Variants in KIF26B observed in about 807,000 individuals in gnomAD.
The protein encoded by KIF26B is kinesin family member 26B.
A neutral mutation model predicts 151.2 loss-of-function variants in KIF26B; 63 were observed. The ratio of observed to expected loss-of-function variants is 0.42; its 90% CI spans 0.34 to 0.51. KIF26B has a LOEUF of 0.51. KIF26B is among the 20% of genes least tolerant of loss of function. The probability of loss-of-function intolerance (pLI) is 0.07; values close to 1 mark genes in which losing one functional copy is unlikely to be tolerated. For synonymous variants in KIF26B, 1,357 were observed against 1,262.1 expected (o/e 1.08, Z -1.59); for missense variants, 2,813 against 2,913.6 (o/e 0.97, Z 0.79).
At chr1:245,238,587 AT>A (rs1312041042) in intron 2 of KIF26B, among the ~76,000 whole-genome samples, 1 of 152,100 alleles carries the variant, frequency 6.6e-6, no homozygotes, top group Non-Finnish European at 1.5e-5. Context: ...TGGGCTGGGC[AT>A]GGTGGCTCAC....
intron 12 of KIF26B, 126 bp from the exon 13 acceptor site, chr1:245,697,980 G>A: frequency 1.2e-6 from 1 of 800,362 alleles, no homozygotes; most frequent in Non-Finnish European, 1.9e-6. Context: ...ATTCAAGGCT[G>A]CAGTGAGCTA....
At chr1:245,172,288 C>T (rs925503695) in intron 2 of KIF26B, among the ~76,000 whole-genome samples, 3 of 152,108 alleles carry the variant, frequency 2.0e-5, no homozygotes, top group South Asian at 2.1e-4. Flanking sequence ...AGCATGGCTC[C>T]GGGCTGCTGG....
chr1:245,254,830 A>G (rs1670505197), intron 2 of KIF26B, among the ~76,000 whole-genome samples: 1 of 152,130 alleles, frequency 6.6e-6, no homozygotes, highest in South Asian at 2.1e-4. Flanking sequence ...TGCCTGTTTC[A>G]GGTTTGGAAC....
intron 2 of KIF26B, among the ~76,000 whole-genome samples, chr1:245,356,005 G>T (rs763603242): frequency 1.3e-5 from 2 of 152,110 alleles, no homozygotes; most frequent in African/African-American, 4.8e-5. Context: ...TCGTCAGCAC[G>T]CAGATTCCAG....
intron 12 of KIF26B, 81 bp downstream of exon 12, chr1:245,688,888 G>A (rs557700981): frequency 2.1e-6 from 3 of 1,452,002 alleles, no homozygotes; most frequent in East Asian, 2.5e-5. Flanking sequence ...AGGGTGTCCC[G>A]TGCCCTGGGG....
intron 10 of KIF26B, among the ~76,000 whole-genome samples, chr1:245,666,750 C>G (rs1313154485): frequency 1.3e-5 from 2 of 151,922 alleles, no homozygotes; most frequent in Non-Finnish European, 2.9e-5. Flanking sequence ...ATGGTACGGA[C>G]AAGTTAAAAG....
At chr1:245,595,487 A>G (rs2043329358) in intron 5 of KIF26B, among the ~76,000 whole-genome samples, 1 of 152,236 alleles carries the variant, frequency 6.6e-6, no homozygotes, top group South Asian at 2.1e-4. Flanking sequence ...ATGTTGAACC[A>G]GCCTTGCATC....
intron 5 of KIF26B, among the ~76,000 whole-genome samples, chr1:245,551,057 A>G (rs79534192): frequency 1.3e-5 from 2 of 152,246 alleles, no homozygotes; most frequent in African/African-American, 2.4e-5. Context: ...ATGTAAATAT[A>G]TAATTTTAGA....
chr1:245,571,691 G>A (rs1224302145), intron 5 of KIF26B, among the ~76,000 whole-genome samples: 1 of 152,196 alleles, frequency 6.6e-6, no homozygotes, highest in Admixed American at 6.5e-5. Flanking sequence ...TGTAGACAGT[G>A]GATTCTGTAT....
chr1:245,659,957 C>T (rs1032743122), intron 10 of KIF26B, among the ~76,000 whole-genome samples: 6 of 150,914 alleles, frequency 4.0e-5, no homozygotes, highest in African/African-American at 1.2e-4. Flanking sequence ...CTGAGGCAGG[C>T]GAATCGCTTG....
intron 2 of KIF26B, among the ~76,000 whole-genome samples, chr1:245,292,750 G>A (rs1671276373): frequency 6.6e-6 from 1 of 152,148 alleles, no homozygotes; most frequent in South Asian, 2.1e-4. Flanking sequence ...ATCACTGTCA[G>A]TGGAGTCAAC....
At chr1:245,381,232 G>A (rs936979642) in intron 3 of KIF26B, among the ~76,000 whole-genome samples, 2 of 152,158 alleles carry the variant, frequency 1.3e-5, no homozygotes, top group African/African-American at 2.4e-5. Flanking sequence ...GTTTTGGCCT[G>A]GTAGAAAGAC....
chr1:245,436,365 G>C (rs1348024401), intron 4 of KIF26B, among the ~76,000 whole-genome samples: 1 of 152,146 alleles, frequency 6.6e-6, no homozygotes, highest in East Asian at 1.9e-4. Context: ...CAACACCCTG[G>C]TTGTCAGCAG....
chr1:245,240,523 A>T (rs1286979141), intron 2 of KIF26B, among the ~76,000 whole-genome samples: 1 of 152,224 alleles, frequency 6.6e-6, no homozygotes, highest in Non-Finnish European at 1.5e-5. Context: ...GAGTGTGTAT[A>T]GAATGTGGAG....
At chr1:245,261,150 TTTC>T in intron 2 of KIF26B, among the ~76,000 whole-genome samples, 1 of 151,864 alleles carries the variant, frequency 6.6e-6, no homozygotes, top group Middle Eastern at 3.4e-3. Context: ...TCTTTCTTTC[TTTC>T]TTTTCTTTTT....
intron 10 of KIF26B, among the ~76,000 whole-genome samples, chr1:245,654,538 G>T (rs138414702): frequency 3.6e-4 from 55 of 152,220 alleles, no homozygotes; most frequent in African/African-American, 1.3e-3. Flanking sequence ...ATAAAATATA[G>T]CTATAATCTT....
At chr1:245,257,727 A>C (rs1043506458) in intron 2 of KIF26B, among the ~76,000 whole-genome samples, 5 of 152,306 alleles carry the variant, frequency 3.3e-5, no homozygotes, top group Admixed American at 1.3e-4. Context: ...TTTGTGATCA[A>C]GAAAGTTGGT....
Position 245,564,672 on chromosome 1 carries a change from C to T in KIF26B, c.1350+23722C>T, listed in dbSNP as rs1481360076. ...ACAGACTCGAGGGAATGTTTTCCTT[C>T]CGGAACAACATTATAAAGCAGCAGC... On this transcript the variant is annotated intron_variant, in intron 5 of 14. Coordinates refer to ENST00000407071, the MANE Select transcript of KIF26B (RefSeq NM_018012.4). This position sits in a 1 kb window ranked among gnomAD's most constrained non-coding sequence, Gnocchi z 4.6. Among the ~76,000 whole-genome samples the T allele has an allele frequency of 6.6e-6, 1 of 152,154 alleles. No individual in the cohort carries two copies. Among genetic ancestry groups the T allele is most frequent in the Non-Finnish European group, 1.5e-5 (1 of 68,032 alleles).
chr1:245,656,237 T>C (rs937384122), intron 10 of KIF26B, among the ~76,000 whole-genome samples: 1 of 151,626 alleles, frequency 6.6e-6, no homozygotes, highest in Non-Finnish European at 1.5e-5. Flanking sequence ...GAAGAAGGGG[T>C]CGGGTGGGGC....
Sources: allele counts gnomAD v4.1 joint callset (sites outside exome capture counted in the v4.1 genomes callset), GRCh38; gene constraint gnomAD v4.1.1; non-coding constraint Gnocchi (gnomAD v3.1); transcripts MANE v1.5; gene names NCBI Gene and HGNC (gene_info 2026-07-23, HGNC 2026-07-21).